Variants in ANKH observed in about 807,000 individuals in gnomAD.
ANKH encodes mineralization regulator ANKH.
ANKH carries 15 observed loss-of-function variants against 49.0 expected under a neutral mutation model. The ratio of observed to expected loss-of-function variants is 0.31; its 90% CI spans 0.20 to 0.47. The LOEUF is 0.47. ANKH is among the 20% of genes least tolerant of loss of function. The pLI, the probability that ANKH is intolerant of heterozygous loss-of-function variation, is 1.00. For synonymous variants in ANKH, 273 were observed against 260.0 expected (o/e 1.05, Z -0.48); for missense variants, 429 against 652.0 (o/e 0.66, Z 3.72).
intron 1 of ANKH, among the ~76,000 whole-genome samples, chr5:14,836,656 A>G (rs1322096772): frequency 1.3e-5 from 2 of 152,180 alleles, no homozygotes; most frequent in Non-Finnish European, 1.5e-5. Flanking sequence ...ATGCTCATGG[A>G]TAGGAAGAAT....
At chr5:14,776,042 T>G (rs1169806718) in intron 1 of ANKH, among the ~76,000 whole-genome samples, 2 of 152,210 alleles carry the variant, frequency 1.3e-5, no homozygotes, top group Admixed American at 1.3e-4. Context: ...GGGACTACAC[T>G]TGGCTTGGGT....
intron 5 of ANKH, among the ~76,000 whole-genome samples, chr5:14,750,213 C>T (rs1441111004): frequency 6.6e-6 from 1 of 152,194 alleles, no homozygotes; most frequent in Non-Finnish European, 1.5e-5. Context: ...GCTATAGATG[C>T]CTTACAGCTA....
intron 1 of ANKH, chr5:14,797,679 G>A: frequency 6.3e-7 from 1 of 1,597,724 alleles, no homozygotes; most frequent in Non-Finnish European, 8.6e-7. Context: ...CCCAAACAGA[G>A]ACTCACAGAG....
At chr5:14,829,408 A>C (rs1056573225) in intron 1 of ANKH, among the ~76,000 whole-genome samples, 1 of 152,274 alleles carries the variant, frequency 6.6e-6, no homozygotes, top group Admixed American at 6.5e-5. Flanking sequence ...AAACAATCAA[A>C]AGCTGAATGT....
At chr5:14,774,594 C>T (rs1182067627) in intron 1 of ANKH, among the ~76,000 whole-genome samples, 10 of 152,146 alleles carry the variant, frequency 6.6e-5, no homozygotes, top group Admixed American at 2.0e-4. Context: ...CCCACCACAA[C>T]GCCTGGCTAA....
intron 8 of ANKH, among the ~76,000 whole-genome samples, chr5:14,734,565 G>A (rs1237875105): frequency 5.3e-5 from 8 of 152,212 alleles, no homozygotes; most frequent in Non-Finnish European, 1.5e-5. Flanking sequence ...AAAGAGCCGG[G>A]CTGGGCACCT....
rs537901386 is a variant in ANKH at position 14,866,153 on chromosome 5, C to A, written c.96+5199G>T. Among the ~76,000 whole-genome samples, 5 of 152,300 alleles carry A rather than the reference C, an allele frequency of 3.3e-5. No homozygotes were observed. The East Asian group carries it at 9.7e-4, about 29-fold the overall frequency. ...TCCCAAGTAGCTGGGATTACAGGTG[C>A]CTGCCATCATGCCCCGCTAATTTTG... On this transcript the variant is annotated intron_variant, in intron 1 of 11. Coordinates refer to ENST00000284268, the MANE Select transcript of ANKH (RefSeq NM_054027.6).
chr5:14,824,305 G>A (rs1386633756), intron 1 of ANKH, among the ~76,000 whole-genome samples: 3 of 152,126 alleles, frequency 2.0e-5, no homozygotes, highest in Admixed American at 1.3e-4. Context: ...TGCATACGAT[G>A]TATTCTCGTT....
At position 14,732,005 on chromosome 5, in the gene ANKH, C is replaced by G. The variant is rs556345166; in HGVS notation, c.1011+9822G>C. ...AAGCATCACGTGTGCCCCACAGGAC[C>G]CAGGTTTCTGTGGACACGCGGGTGT... is the stretch of plus-strand genomic sequence containing the variant. On this transcript the variant is annotated intron_variant, in intron 8 of 11. Transcript: ENST00000284268. 6.6e-5 allele frequency among the ~76,000 whole-genome samples: 10 copies of G among 152,284 alleles called. No homozygotes were observed. In the South Asian group the frequency reaches 2.1e-3, roughly 32 times the overall value.
In ANKH at chr5:14,713,578, G is replaced by A. The variant is rs1316396982; in HGVS notation, c.1231C>T (p.Leu411Phe). ...APSSVLRIIV[L>F]IASLVVLPYL... ...GGTAGGACCACGAGGCTGGCGATGA[G>A]GACGATGATCCGCAGCACAGAGCTG... Residue 411 changes from leucine (L) to phenylalanine (F), a missense_variant, in exon 10 of 12, where the codon CTC (leucine) becomes TTC (phenylalanine). Around this residue, in one of 2 missense-constraint regions of ANKH, gnomAD observed 378 missense variants for 615.3 expected, o/e 0.61. Transcript: ENST00000284268. The surrounding 1 kb of genome is among the most constrained non-coding windows in gnomAD (Gnocchi z 4.4). 6.2e-7 allele frequency: 1 copy of A among 1,614,076 alleles called. No individual in the cohort carries two copies. Among genetic ancestry groups the A allele is most frequent in the African/African-American group, 1.3e-5 (1 of 74,934 alleles).
intron 4 of ANKH, among the ~76,000 whole-genome samples, chr5:14,752,347 A>G (rs1738749002): frequency 6.6e-6 from 1 of 152,242 alleles, no homozygotes; most frequent in Admixed American, 6.5e-5. Flanking sequence ...AAACACCAAC[A>G]GTAATAATTA....
rs1344581978 is a variant in ANKH, at chr5:14,708,854, A to C, written c.*2343T>G. On this transcript the variant is annotated 3_prime_UTR_variant, in exon 12 of 12. Coordinates refer to ENST00000284268, the MANE Select transcript of ANKH (RefSeq NM_054027.6). ...AGTTGTATTTCCTCATCTCATAATG[A>C]GGAGGCCCTTGCTGATCCTTCCTGG... 6.6e-6 allele frequency: 1 copy of C among 151,846 alleles called. No individual in the cohort carries two copies. The highest frequency in any genetic ancestry group is 1.5e-5 in the Non-Finnish European group (1 of 67,982). 9.4% of individuals were successfully genotyped at this position (151,846 alleles called of 1,614,324 possible).
chr5:14,733,494 G>T (rs1397949658), intron 8 of ANKH, among the ~76,000 whole-genome samples: 1 of 152,198 alleles, frequency 6.6e-6, no homozygotes. Context: ...AGTCTCTCCT[G>T]TGCCCAGAGT....
chr5:14,847,229 T>C (rs1417155600), intron 1 of ANKH, among the ~76,000 whole-genome samples: 4 of 152,110 alleles, frequency 2.6e-5, no homozygotes, highest in Non-Finnish European at 5.9e-5. Context: ...AGAGAAAAGT[T>C]GGCACCTCAA....
chr5:14,729,439 C>T (rs548641717), intron 8 of ANKH, among the ~76,000 whole-genome samples: 67 of 150,404 alleles, frequency 4.5e-4, no homozygotes, highest in African/African-American at 1.5e-3. Context: ...CTGCCCGCCT[C>T]GGCCTCCCAA....
At chr5:14,829,184 CAAAAA>C (rs56223225) in intron 1 of ANKH, among the ~76,000 whole-genome samples, 86 of 106,030 alleles carry the variant, frequency 8.1e-4, no homozygotes, top group South Asian at 6.0e-3. Context: ...GACTCTGTCT[CAAAAA>C]AAAAAAAAAA....
In ANKH at chr5:14,849,459, T is replaced by C. The variant is rs911372357; in HGVS notation, c.96+21893A>G. Among the ~76,000 whole-genome samples the C allele has an allele frequency of 2.0e-4, 31 of 152,308 alleles. 1 individual carries two copies. The highest frequency in any genetic ancestry group is 5.5e-4 in the African/African-American group (23 of 41,572). ...AATTATTACGGGTTCTTAAACTATT[T>C]ATTAGATAGATGCAGGGAGGGCGGG... On this transcript the variant is annotated intron_variant, in intron 1 of 11. Coordinates refer to ENST00000284268, the MANE Select transcript of ANKH (RefSeq NM_054027.6).
intron 1 of ANKH, among the ~76,000 whole-genome samples, chr5:14,858,726 TAAATAAATA>T (rs1045541699): frequency 3.2e-5 from 3 of 93,202 alleles, no homozygotes; most frequent in African/African-American, 1.3e-4. Flanking sequence ...AATAAATAAA[TAAATAAATA>T]AATAAATAAA....
At chr5:14,755,557 G>A (rs1738859626) in intron 4 of ANKH, among the ~76,000 whole-genome samples, 1 of 152,186 alleles carries the variant, frequency 6.6e-6, no homozygotes, top group Non-Finnish European at 1.5e-5. Flanking sequence ...AAGGTACTAG[G>A]TATGACTTTA....
Sources: allele counts gnomAD v4.1 joint callset (sites outside exome capture counted in the v4.1 genomes callset), GRCh38; gene constraint gnomAD v4.1.1; regional missense constraint gnomAD v4.1.1; non-coding constraint Gnocchi (gnomAD v3.1); transcripts MANE v1.5; gene names NCBI Gene and HGNC (gene_info 2026-07-23, HGNC 2026-07-21).